The following RPL3L variants were observed in gnomAD, a reference collection of about 807,000 sequenced individuals.
RPL3L encodes ribosomal protein L3 like.
Under a neutral mutation model 44.5 loss-of-function variants are expected in RPL3L, and 44 were observed. The ratio of observed to expected loss-of-function variants is 0.99; its 90% CI spans 0.78 to 1.27. RPL3L has a LOEUF of 1.27. RPL3L is among the 50% of genes most tolerant of loss of function. The pLI is 0.00. For synonymous variants in RPL3L, 292 were observed against 230.7 expected (o/e 1.27, Z -2.41); for missense variants, 631 against 569.1 (o/e 1.11, Z -1.11).
At chr16:1,946,543 C>T in intron 7 of RPL3L, 82 bp downstream of exon 7, 1 of 1,436,312 alleles carries the variant, frequency 7.0e-7, no homozygotes, top group Non-Finnish European at 9.6e-7. Flanking sequence ...ACATGTATAC[C>T]AGGCCCCCCG....
rs1359758352 is a variant in RPL3L at position 1,954,686 on chromosome 16, G to A, written c.-55C>T. 6 of 1,480,112 alleles carry A rather than the reference G, an allele frequency of 4.1e-6. No individual in the cohort carries two copies. Among genetic ancestry groups the A allele is most frequent in the South Asian group, 1.4e-5 (1 of 73,044 alleles). The allele number at this position is 1,480,112 out of a possible 1,614,324, so 91.7% of individuals were successfully genotyped here. On this transcript the variant is annotated 5_prime_UTR_variant, in exon 1 of 10. Transcript: ENST00000268661. ...GCCTCGCCGCTAGCCGCCAGAGGTC[G>A]AGTGGCAGGGCCAGGACTCACAGCT...
In RPL3L at chr16:1,947,363, G is replaced by A; in HGVS notation, c.519C>T (p.Phe173=). ...CCATGATGTGGGCCTTCTTCTGCCG[G>A]AAGGGCAGCAGTTTCATCTGCAGGA... is the stretch of plus-strand genomic sequence containing the variant. ...IVHTQMKLLP[F]RQKKAHIMEI... The change falls in exon 5 of 10, where the codon TTC becomes TTT. Residue 173 remains phenylalanine, a synonymous_variant. Transcript: ENST00000268661. 6.3e-7 allele frequency: 1 copy of A among 1,590,554 alleles called. No homozygotes were observed. Among genetic ancestry groups the A allele is most frequent in the Non-Finnish European group, 8.6e-7 (1 of 1,169,268 alleles).
rs750731507 is a variant in RPL3L, at chr16:1,954,150, T to G, written c.4-2A>C. 6.4e-7 allele frequency: 1 copy of G among 1,571,932 alleles called. No homozygotes were observed. Among genetic ancestry groups the G allele is most frequent in the East Asian group, 2.3e-5 (1 of 43,672 alleles). On this transcript the variant is annotated splice_acceptor_variant, in intron 1 of 9. Coordinates refer to ENST00000268661, the MANE Select transcript of RPL3L (RefSeq NM_005061.3). LOFTEE classifies it high-confidence loss of function. ...AGGGGCGGAAAACTTCCGGTGGGAC[T>G]GGGGGGCAGGAAGGAAGGAGGTCAG... is the stretch of plus-strand genomic sequence containing the variant.
chr16:1,945,015 C>T, intron 9 of RPL3L, 122 bp from the exon 10 acceptor site: 1 of 1,232,638 alleles, frequency 8.1e-7, no homozygotes, highest in Non-Finnish European at 1.2e-6. Flanking sequence ...GCTTCCTCCC[C>T]CACCTTCTCT....
Position 1,944,885 on chromosome 16 carries a change from T to G in RPL3L, c.1176A>C (p.Gln392His), listed in dbSNP as rs147548241. The change falls in exon 10 of 10, where the codon CAA (glutamine) becomes CAC (histidine). Residue 392 changes from glutamine to histidine, a missense_variant. Transcript: ENST00000268661. ...GCGTTTCCTTCTCCAGATGCTTCTT[T>G]TGGGGGCCCTGGTTGAGAGGGTGGT... ...AQEKRAFMGPQKKHLEKETPE... is the reference protein window; with the variant it reads ...AQEKRAFMGPHKKHLEKETPE... 4.3e-6 allele frequency: 7 copies of G among 1,613,924 alleles called. No individual in the cohort carries two copies. The highest frequency in any genetic ancestry group is 5.9e-6 in the Non-Finnish European group (7 of 1,179,992).
chr16:1,944,252 C>T lies in RPL3L; in HGVS notation c.*585G>A. On this transcript the variant is annotated 3_prime_UTR_variant, in exon 10 of 10. Coordinates refer to ENST00000268661, the MANE Select transcript of RPL3L (RefSeq NM_005061.3). ...TTAGGAGTCGTGCATCTGGAGGCTA[C>T]AAGATTCTGACCCTCCCTAAGCTGC... 1 of 152,784 alleles carries T rather than the reference C, an allele frequency of 6.5e-6. No homozygotes were observed. Among genetic ancestry groups the T allele is most frequent in the East Asian group, 1.9e-4 (1 of 5,194 alleles). The allele number at this position is 152,784 out of a possible 1,614,324, so 9.5% of individuals were successfully genotyped here.
At chr16:1,947,472 C>CCACG in intron 4 of RPL3L, 92 bp from the exon 5 acceptor site, 1 of 1,367,330 alleles carries the variant, frequency 7.3e-7, no homozygotes. Context: ...CTGCCGCCTT[C>CCACG]CACGCATGCA....
Position 1,946,687 on chromosome 16 carries a change from T to G in RPL3L, c.889A>C (p.Lys297Gln). The change falls in exon 7 of 10, where the codon AAG (lysine) becomes CAG (glutamine). Residue 297 changes from lysine (K) to glutamine (Q), a missense_variant. By Grantham distance (53) the Lys-to-Gln change is moderately conservative (BLOSUM62 1). Transcript: ENST00000268661. ...IGRGPHMEDG[K>Q]LVKNNASTSY... ...GTGGATGCATTGTTCTTCACCAGCT[T>G]CCCGTCCTCCATGTGCGGGCCCCTG... 6.2e-7 allele frequency: 1 copy of G among 1,612,784 alleles called. No individual in the cohort carries two copies. The highest frequency in any genetic ancestry group is 8.5e-7 in the Non-Finnish European group (1 of 1,179,986).
chr16:1,954,443 G>A (rs1478047876), intron 1 of RPL3L, among the ~76,000 whole-genome samples, 186 bp downstream of exon 1: 1 of 152,070 alleles, frequency 6.6e-6, no homozygotes, highest in Non-Finnish European at 1.5e-5. Context: ...GCTGCCATCT[G>A]TTCATCTCCA....
intron 4 of RPL3L, 105 bp from the exon 5 acceptor site, chr16:1,947,485 C>A: frequency 7.7e-7 from 1 of 1,306,994 alleles, no homozygotes; most frequent in South Asian, 1.5e-5. Flanking sequence ...CGCATGCATT[C>A]ATTCACAGGT....
At chr16:1,948,357 G>A (rs769442864) in intron 4 of RPL3L, among the ~76,000 whole-genome samples, 1 of 151,976 alleles carries the variant, frequency 6.6e-6, no homozygotes, top group Non-Finnish European at 1.5e-5. Context: ...TTGAGTAACT[G>A]GGATTACAGG....
intron 4 of RPL3L, among the ~76,000 whole-genome samples, chr16:1,949,632 CAG>C (rs886125642): frequency 1.4e-5 from 2 of 144,536 alleles, no homozygotes; most frequent in African/African-American, 5.2e-5. Context: ...GAGGTGGAGA[CAG>C]AGAGGCCAGC....
Position 1,945,863 on chromosome 16 carries a change from G to GT in RPL3L, c.1018dup (p.Thr340AsnfsTer25), listed in dbSNP as rs769804914. Reference sequence around the variant, plus strand: ...TCTCAGCGTAATGACCCGCTTCTTGGTACCAGCAATACAACCCTTCAGCAT... The same window carrying GT: ...TCTCAGCGTAATGACCCGCTTCTTGGTTACCAGCAATACAACCCTTCAGCAT... On this transcript the variant is annotated frameshift_variant, in exon 8 of 10. Transcript: ENST00000268661. LOFTEE classifies it high-confidence loss of function. 7.4e-6 allele frequency: 12 copies of GT among 1,613,986 alleles called. No individual in the cohort carries two copies. The highest frequency in any genetic ancestry group is 3.3e-5 in the Admixed American group (2 of 60,014).
intron 6 of RPL3L, 101 bp from the exon 7 acceptor site, chr16:1,946,827 G>A (rs2083124738): frequency 1.9e-6 from 3 of 1,567,288 alleles, no homozygotes; most frequent in South Asian, 1.1e-5. Context: ...TGCTGGTGGG[G>A]GCATCTTGTG....
At chr16:1,954,431 C>A (rs1401661975) in intron 1 of RPL3L, among the ~76,000 whole-genome samples, 198 bp downstream of exon 1, 2 of 152,082 alleles carry the variant, frequency 1.3e-5, no homozygotes. Context: ...GGGCAGGTGG[C>A]CGCTGCCATC....
rs545997769 is a variant in RPL3L at position 1,954,031 on chromosome 16, C to G, written c.121G>C (p.Val41Leu). ...TAGCCCAGGAAGGCCGTGAGGTGCA[C>G]GGGCTGGCTGGGGTCATCCCGCGGC... ...TWPRDDPSQP[V>L]HLTAFLGYKA... The change falls in exon 2 of 10, where the codon GTG becomes CTG. Residue 41 changes from valine (V) to leucine (L), a missense_variant. By Grantham distance (32) the Val-to-Leu change is conservative. Transcript: ENST00000268661. 1.2e-6 allele frequency: 2 copies of G among 1,607,066 alleles called. No individual in the cohort carries two copies. Among genetic ancestry groups the G allele is most frequent in the Admixed American group, 3.4e-5 (2 of 59,432 alleles).
At position 1,946,652 on chromosome 16, in the gene RPL3L, G is replaced by T; in HGVS notation, c.924C>A (p.Asp308Glu). 6.2e-7 allele frequency: 1 copy of T among 1,612,734 alleles called. No individual in the cohort carries two copies. Among genetic ancestry groups the T allele is most frequent in the East Asian group, 2.2e-5 (1 of 44,884 alleles). ...LVKNNASTSY[D>E]VTAKSITPLG... ...GCGGTGTGATGGACTTGGCAGTCACGTCGTAGCTGGTGGATGCATTGTTCT... is the reference window on the plus strand; with the variant it reads ...GCGGTGTGATGGACTTGGCAGTCACTTCGTAGCTGGTGGATGCATTGTTCT... The change falls in exon 7 of 10, where the codon GAC (aspartate) becomes GAA (glutamate). Residue 308 changes from aspartate to glutamate, a missense_variant. By Grantham distance (45) the Asp-to-Glu change is conservative (BLOSUM62 2). Transcript: ENST00000268661.
chr16:1,946,597 C>T (rs762550804), intron 7 of RPL3L, 28 bp downstream of exon 7: 32 of 1,603,004 alleles, frequency 2.0e-5, no homozygotes, highest in Middle Eastern at 1.7e-4. Flanking sequence ...GTGTGATGGG[C>T]CTGGCAGTCG....
In RPL3L at chr16:1,949,259, CT is replaced by C. The variant is rs58248501; in HGVS notation, c.501+1584del. Among the ~76,000 whole-genome samples the C allele has an allele frequency of 8.9e-4, 67 of 75,256 alleles. No individual in the cohort carries two copies. The East Asian group carries it at 9.5e-3, about 11-fold the overall frequency. The allele number at this position is 75,256 out of a possible 152,430, so 49.4% of individuals were successfully genotyped here. On this transcript the variant is annotated intron_variant, in intron 4 of 9. Transcript: ENST00000268661. Reference sequence around the variant, plus strand: ...CCTGATTTTTGTTTTTTTTTTTTTTCTTTTTTTTTTTTTTTTTTTTTTGAGA... The same window carrying C: ...CCTGATTTTTGTTTTTTTTTTTTTTCTTTTTTTTTTTTTTTTTTTTTGAGA...
Sources: allele counts gnomAD v4.1 joint callset (sites outside exome capture counted in the v4.1 genomes callset), GRCh38; gene constraint gnomAD v4.1.1; transcripts MANE v1.5; gene names NCBI Gene and HGNC (gene_info 2026-07-23, HGNC 2026-07-21).